ITGAE: variants seen among roughly 807,000 people sequenced by gnomAD.
ITGAE encodes integrin subunit alpha E.
A neutral mutation model predicts 136.5 loss-of-function variants in ITGAE; 99 were observed. The ratio of observed to expected loss-of-function variants is 0.73; its 90% CI spans 0.62 to 0.86. The LOEUF (loss-of-function observed/expected upper bound fraction) is 0.86, where lower values mean the gene tolerates loss of function less well. Ranked by LOEUF, ITGAE falls within the 40% of genes least tolerant of loss-of-function variation. ITGAE has a pLI of 0.00. For synonymous variants in ITGAE, 613 were observed against 591.8 expected (o/e 1.04, Z -0.52); for missense variants, 1,447 against 1,515.3 (o/e 0.95, Z 0.75).
chr17:3,772,518 C>T (rs935673833), intron 2 of ITGAE, among the ~76,000 whole-genome samples: 1 of 148,792 alleles, frequency 6.7e-6, no homozygotes, highest in African/African-American at 2.5e-5. Flanking sequence ...GGCTGGAGTG[C>T]AGTGGCGCGA....
intron 2 of ITGAE, 31 bp from the exon 3 acceptor site, chr17:3,763,991 C>T (rs775061082): frequency 2.6e-5 from 39 of 1,510,044 alleles, no homozygotes; most frequent in Middle Eastern, 1.9e-4. Flanking sequence ...CAAAGCTGAG[C>T]TGGCTGATGT....
intron 2 of ITGAE, among the ~76,000 whole-genome samples, chr17:3,776,097 G>A (rs183261471): frequency 5.9e-5 from 7 of 118,742 alleles, no homozygotes; most frequent in African/African-American, 2.3e-4. Context: ...TTGCTCTGTC[G>A]CCCAGGCTGT....
rs1182046194 is a variant in ITGAE at position 3,795,979 on chromosome 17, GTGTGTGCATC to G, written c.34+5122_34+5131del. 2.5e-4 allele frequency among the ~76,000 whole-genome samples: 16 copies of G among 64,426 alleles called. 1 individual carries two copies. The highest frequency in any genetic ancestry group is 6.3e-4 in the South Asian group (2 of 3,162). The allele number at this position is 64,426 out of a possible 152,430, so 42.3% of individuals were successfully genotyped here. A position where few individuals can be genotyped will look rare whatever the true frequency, so the allele number is the denominator to read the frequency against. ...TCCCTGTGTGTGCGTGTGTGCATCC[GTGTGTGCATC>G]TGTGTGTGCATCCGTGTGTGCATCC... On this transcript the variant is annotated intron_variant, in intron 1 of 30. Transcript: ENST00000263087.
rs146384772 is a variant in ITGAE at position 3,766,792 on chromosome 17, A to AAAT, written c.156-2835_156-2833dup. ...ACTCCAGCCTGGGTGAAAGAGTGCA[A>AAAT]AATAATAATAATAATAATAATAATA... On this transcript the variant is annotated intron_variant, in intron 2 of 30. Coordinates refer to ENST00000263087, the MANE Select transcript of ITGAE (RefSeq NM_002208.5). Among the ~76,000 whole-genome samples the AAAT allele has an allele frequency of 3.9e-3, 538 of 136,906 alleles. 4 individuals are homozygous for AAAT. The highest frequency in any genetic ancestry group is 5.2e-3 in the Non-Finnish European group (336 of 64,402). 89.8% of individuals were successfully genotyped at this position (136,906 alleles called of 152,430 possible).
chr17:3,717,215 A>T (rs2050960426), intron 29 of ITGAE: 1 of 163,908 alleles, frequency 6.1e-6, no homozygotes. Flanking sequence ...ATGATCTCCA[A>T]GTCCTTTCCA....
intron 12 of ITGAE, 25 bp downstream of exon 12, chr17:3,755,092 C>T: frequency 6.4e-7 from 1 of 1,573,430 alleles, no homozygotes; most frequent in South Asian, 1.2e-5. Context: ...GTGGCCCCGC[C>T]CTCATCAGGT....
intron 21 of ITGAE, among the ~76,000 whole-genome samples, chr17:3,734,146 C>G (rs1038937368): frequency 6.6e-6 from 1 of 152,218 alleles, no homozygotes; most frequent in African/African-American, 2.4e-5. Flanking sequence ...TCTCGGCTCA[C>G]TGCAAGCTCC....
chr17:3,753,134 T>C (rs1306586167), intron 14 of ITGAE, among the ~76,000 whole-genome samples, 156 bp downstream of exon 14: 1 of 152,216 alleles, frequency 6.6e-6, no homozygotes, highest in African/African-American at 2.4e-5. Context: ...CGGAGAGCGA[T>C]GCCGCTGCCC....
At position 3,723,289 on chromosome 17, in the gene ITGAE, T is replaced by A. The variant is rs775656147; in HGVS notation, c.3236A>T (p.Glu1079Val). The change falls in exon 28 of 31, where the codon GAG (glutamate) becomes GTG (valine). Residue 1079 changes from glutamate (E) to valine (V), a missense_variant and splice_region_variant. By Grantham distance (121) the Glu-to-Val change is moderately radical. Around this residue, in one of 3 missense-constraint regions of ITGAE, gnomAD observed 1,031 missense variants for 1,011.4 expected, o/e 1.02. Coordinates refer to ENST00000263087, the MANE Select transcript of ITGAE (RefSeq NM_002208.5). Reference protein sequence around the residue: ...AAEISWDHSEELLKDVTELQI... With the variant: ...AAEISWDHSEVLLKDVTELQI... ...CTGGAGCATTTCAGTCTCAAACACC[T>A]CCTCAGAGTGATCCCAGGAGATCTC... 1.9e-6 allele frequency: 3 copies of A among 1,604,972 alleles called. No homozygotes were observed. Among genetic ancestry groups the A allele is most frequent in the East Asian group, 4.5e-5 (2 of 44,822 alleles).
chr17:3,759,278 G>T, intron 8 of ITGAE, 124 bp downstream of exon 8: 1 of 1,119,084 alleles, frequency 8.9e-7, no homozygotes, highest in Non-Finnish European at 1.3e-6. Flanking sequence ...GTTCTCTCTC[G>T]GCCAGGGAAA....
intron 29 of ITGAE, among the ~76,000 whole-genome samples, chr17:3,719,321 G>C (rs1187659240): frequency 2.6e-5 from 4 of 151,224 alleles, no homozygotes; most frequent in East Asian, 1.9e-4. Flanking sequence ...GGCATGTCTA[G>C]AGAATTGCTC....
At chr17:3,796,170 C>CATGTGTGT in intron 1 of ITGAE, among the ~76,000 whole-genome samples, 1 of 127,040 alleles carries the variant, frequency 7.9e-6, no homozygotes, top group East Asian at 2.2e-4. Context: ...TGTGTGCATC[C>CATGTGTGT]GTGTGTGTGT....
chr17:3,734,660 G>C (rs1179543680), intron 21 of ITGAE, among the ~76,000 whole-genome samples, 157 bp downstream of exon 21: 1 of 152,176 alleles, frequency 6.6e-6, no homozygotes, highest in Non-Finnish European at 1.5e-5. Flanking sequence ...GCATGGAGCC[G>C]GACTGGCGGG....
intron 16 of ITGAE, among the ~76,000 whole-genome samples, chr17:3,749,841 C>A (rs983330975): frequency 1.3e-5 from 2 of 151,946 alleles, no homozygotes; most frequent in African/African-American, 4.8e-5. Flanking sequence ...CATGGTGAAA[C>A]CCTGTCTCTA....
chr17:3,737,834 G>A (rs528188707), intron 20 of ITGAE, among the ~76,000 whole-genome samples: 1 of 152,276 alleles, frequency 6.6e-6, no homozygotes, highest in East Asian at 1.9e-4. Flanking sequence ...GCTCACTAGC[G>A]TTTTTGAAAG....
At chr17:3,779,285 G>A (rs2052610831) in intron 1 of ITGAE, among the ~76,000 whole-genome samples, 1 of 151,920 alleles carries the variant, frequency 6.6e-6, no homozygotes, top group Non-Finnish European at 1.5e-5. Flanking sequence ...ATGCTGAAAT[G>A]TTTAGAGTTG....
At chr17:3,719,571 A>G (rs972759749) in intron 29 of ITGAE, among the ~76,000 whole-genome samples, 30 of 152,212 alleles carry the variant, frequency 2.0e-4, no homozygotes, top group African/African-American at 7.2e-4. Context: ...TACTTTTGCA[A>G]AAAGAATTCC....
In ITGAE at chr17:3,799,294, C is replaced by T. The variant is rs142905610; in HGVS notation, c.34+1817G>A. Among the ~76,000 whole-genome samples, 53 of 152,292 alleles carry T rather than the reference C, an allele frequency of 3.5e-4. No individual in the cohort carries two copies. In the East Asian group the frequency reaches 6.2e-3, roughly 18 times the overall value. On this transcript the variant is annotated intron_variant, in intron 1 of 30. Coordinates refer to ENST00000263087, the MANE Select transcript of ITGAE (RefSeq NM_002208.5). This position sits in a 1 kb window ranked among gnomAD's most constrained non-coding sequence, Gnocchi z 4.1. ...GTTTCCGCCACCCACACCGGAGCTGCGGGGGCCCTGCTCTGGTCCCCTTCC... is the reference window on the plus strand; with the variant it reads ...GTTTCCGCCACCCACACCGGAGCTGTGGGGGCCCTGCTCTGGTCCCCTTCC...
chr17:3,722,124 A>G (rs927684901), intron 28 of ITGAE, among the ~76,000 whole-genome samples: 4 of 151,648 alleles, frequency 2.6e-5, no homozygotes, highest in African/African-American at 4.9e-5. Context: ...GGTTGCAGTG[A>G]GCCGAGATCG....
Sources: gnomAD v4.1 joint callset for allele counts (sites outside exome capture counted in the v4.1 genomes callset) on GRCh38, gnomAD v4.1.1 for gene constraint, gnomAD v4.1.1 regional missense constraint, Gnocchi (gnomAD v3.1) non-coding constraint, MANE v1.5 for transcripts, NCBI Gene and HGNC (gene_info 2026-07-23, HGNC 2026-07-21) for gene names.